Variants in GTF2IRD2B observed in about 807,000 individuals in gnomAD.
GTF2IRD2B encodes the protein GTF2I repeat domain containing 2B.
A neutral mutation model predicts 55.6 loss-of-function variants in GTF2IRD2B; 10 were observed. That is an observed-to-expected ratio of 0.18 (90% CI 0.11 to 0.31). GTF2IRD2B has a LOEUF of 0.31. Among genes scored for constraint, GTF2IRD2B ranks in the 10% least tolerant of loss-of-function variants. GTF2IRD2B has a pLI of 1.00. For synonymous variants in GTF2IRD2B, 107 were observed against 320.5 expected, an observed-to-expected ratio of 0.33 and a Z score of 7.12; for missense variants, 206 against 802.7, an observed-to-expected ratio of 0.26 and a Z score of 8.98.
chr7:75,133,406 G>GT (rs1226577331), intron 9 of GTF2IRD2B, among the ~76,000 whole-genome samples, 194 bp downstream of exon 9: 7 of 147,900 alleles, frequency 4.7e-5, no homozygotes, highest in Admixed American at 2.6e-4. Flanking sequence ...TCTTTTGTTT[G>GT]TTTTTTTACA....
rs1276986195 is a variant in GTF2IRD2B, at chr7:75,123,521, G to A, written c.571+5G>A. The A allele has an allele frequency of 8.7e-6, 6 of 691,626 alleles. No homozygotes were observed. The highest frequency in any genetic ancestry group is 1.2e-5 in the Non-Finnish European group (5 of 400,344). 42.8% of individuals were successfully genotyped at this position (691,626 alleles called of 1,614,324 possible). ...TAGGACCAGAGAGTCAGCTGGGTAA[G>A]TGACAGCTTCTCAGGTTTGGTGGCT... On this transcript the variant is annotated splice_donor_5th_base_variant and intron_variant, in intron 6 of 15. Coordinates refer to ENST00000472837, the MANE Select transcript of GTF2IRD2B (RefSeq NM_001003795.3).
intron 1 of GTF2IRD2B, among the ~76,000 whole-genome samples, chr7:75,104,164 C>A (rs1265994391): frequency 2.2e-5 from 3 of 136,532 alleles, no homozygotes; most frequent in Admixed American, 7.4e-5. Context: ...ACTCTGTTGC[C>A]CCACCTGGAG....
chr7:75,096,686 A>G (rs1356669230), intron 1 of GTF2IRD2B, among the ~76,000 whole-genome samples: 1 of 148,152 alleles, frequency 6.7e-6, no homozygotes, highest in East Asian at 1.9e-4. Context: ...TCAGCCTCCC[A>G]GAGTGCTGGG....
intron 1 of GTF2IRD2B, among the ~76,000 whole-genome samples, chr7:75,105,279 G>A (rs1419060755): frequency 4.6e-4 from 70 of 152,366 alleles, no homozygotes; most frequent in Admixed American, 1.8e-3. Context: ...CGAGGCGGGC[G>A]GATCACTTGA....
In GTF2IRD2B at chr7:75,092,772, A is replaced by ACCCCGC. The variant is rs1807285845; in HGVS notation, c.-6+15_-6+20dup. ...CGCGGCCCAGCGCCCTCAGGTGCGT[A>ACCCCGC]CCCCGCCCCCGCCGCCGACGCCGCC... is the stretch of plus-strand genomic sequence containing the variant. On this transcript the variant is annotated splice_region_variant and intron_variant, in intron 1 of 15. Transcript: ENST00000472837. The ACCCCGC allele has an allele frequency of 2.0e-5, 3 of 153,800 alleles. No individual in the cohort carries two copies. The highest frequency in any genetic ancestry group is 4.8e-5 in the African/African-American group (2 of 41,584). The allele number at this position is 153,800 out of a possible 1,614,324, so 9.5% of individuals were successfully genotyped here. A position where few individuals can be genotyped will look rare whatever the true frequency, so the allele number is the denominator to read the frequency against.
At chr7:75,109,408 G>A (rs1305162686) in intron 2 of GTF2IRD2B, among the ~76,000 whole-genome samples, 90 of 142,036 alleles carry the variant, frequency 6.3e-4, no homozygotes, top group African/African-American at 1.6e-3. Context: ...GCATGATGTC[G>A]GCTCACTGCA....
intron 1 of GTF2IRD2B, among the ~76,000 whole-genome samples, chr7:75,103,252 C>T (rs1554449747): frequency 1.3e-5 from 2 of 151,964 alleles, no homozygotes; most frequent in African/African-American, 4.8e-5. Flanking sequence ...GCACTCCAGC[C>T]TGGGTGACAG....
chr7:75,105,702 T>C (rs1807775082), intron 1 of GTF2IRD2B, among the ~76,000 whole-genome samples: 1 of 152,310 alleles, frequency 6.6e-6, no homozygotes, highest in African/African-American at 2.4e-5. Flanking sequence ...AGAATTTTGG[T>C]AGATAGTTGC....
At chr7:75,104,879 C>T (rs1429971280) in intron 1 of GTF2IRD2B, among the ~76,000 whole-genome samples, 1 of 152,300 alleles carries the variant, frequency 6.6e-6, no homozygotes, top group Non-Finnish European at 1.5e-5. Context: ...AGCTCTGTTG[C>T]CAGAACAGAG....
chr7:75,102,193 A>G (rs1337058606), intron 1 of GTF2IRD2B, among the ~76,000 whole-genome samples: 2 of 150,464 alleles, frequency 1.3e-5, no homozygotes, highest in Non-Finnish European at 3.0e-5. Context: ...AGTAGAGACA[A>G]AGTTTCACCA....
chr7:75,145,818 AT>A (rs1296930095), intron 15 of GTF2IRD2B, among the ~76,000 whole-genome samples: 4 of 132,514 alleles, frequency 3.0e-5, no homozygotes, highest in Admixed American at 7.6e-5. Context: ...TTGCTAAATG[AT>A]TTTTTGATCT....
chr7:75,093,126 TA>T (rs1198882653), intron 1 of GTF2IRD2B, among the ~76,000 whole-genome samples: 2 of 40,322 alleles, frequency 5.0e-5, no homozygotes, highest in Non-Finnish European at 1.9e-4. Flanking sequence ...ATTGGTTAGA[TA>T]AGGGGGCGGG....
chr7:75,135,085 CTCTTT>C (rs1298086156), intron 10 of GTF2IRD2B, 28 bp downstream of exon 10: 53 of 1,306,524 alleles, frequency 4.1e-5, no homozygotes, highest in Middle Eastern at 2.8e-4. Flanking sequence ...TTTTTTCTCT[CTCTTT>C]TAAGAAAAGT....
At chr7:75,146,692 TA>T (rs1214002137) in intron 15 of GTF2IRD2B, 1 of 82,308 alleles carries the variant, frequency 1.2e-5, no homozygotes, top group Admixed American at 1.4e-4. Flanking sequence ...ACCCTGTCTC[TA>T]AAAAGAAAAT....
chr7:75,103,874 T>C (rs1481799719), intron 1 of GTF2IRD2B, among the ~76,000 whole-genome samples: 2 of 144,270 alleles, frequency 1.4e-5, no homozygotes, highest in African/African-American at 5.1e-5. Flanking sequence ...CTACTAAAAA[T>C]ACAAAAAATT....
At chr7:75,112,620 C>T in intron 3 of GTF2IRD2B, 85 bp downstream of exon 3, 3 of 1,227,596 alleles carry the variant, frequency 2.4e-6, no homozygotes, top group Middle Eastern at 2.7e-4. Context: ...TCTAAGCTAT[C>T]ATAAGCATTC....
intron 15 of GTF2IRD2B, among the ~76,000 whole-genome samples, chr7:75,145,816 T>C (rs1312086661): frequency 7.4e-6 from 1 of 134,512 alleles, no homozygotes; most frequent in African/African-American, 2.8e-5. Flanking sequence ...GATTGCTAAA[T>C]GATTTTTTGA....
In GTF2IRD2B at chr7:75,119,924, C is replaced by T. The variant is rs1308131802; in HGVS notation, c.239-967C>T. The stretch of plus-strand genomic sequence containing the variant: ...CAGGCGGATCACGAGGTCAGGAGAT[C>T]GAGACCATTCTGGCTAACGTGGTGA... On this transcript the variant is annotated intron_variant, in intron 3 of 15. Transcript: ENST00000472837. Among the ~76,000 whole-genome samples the T allele has an allele frequency of 2.4e-5, 3 of 124,278 alleles. 1 individual carries two copies. The highest frequency in any genetic ancestry group is 2.3e-4 in the South Asian group (1 of 4,284). 81.5% of individuals were successfully genotyped at this position (124,278 alleles called of 152,430 possible).
At chr7:75,109,458 C>T in intron 2 of GTF2IRD2B, among the ~76,000 whole-genome samples, 1 of 133,638 alleles carries the variant, frequency 7.5e-6, no homozygotes, top group Non-Finnish European at 1.7e-5. Flanking sequence ...CCTGCCTCAG[C>T]CTCCCAAGTA....
Sources: allele counts gnomAD v4.1 joint callset (sites outside exome capture counted in the v4.1 genomes callset), GRCh38; gene constraint gnomAD v4.1.1; transcripts MANE v1.5; gene names NCBI Gene and HGNC (gene_info 2026-07-23, HGNC 2026-07-21).